The following MYH11 variants were observed in gnomAD, a reference collection of about 807,000 sequenced individuals.
MYH11 encodes the protein myosin-11.
Under a neutral mutation model 246.6 loss-of-function variants are expected in MYH11, and 80 were observed. The observed-to-expected ratio is 0.32, with a 90% CI of 0.27 to 0.39. The LOEUF (loss-of-function observed/expected upper bound fraction) is 0.39. Among genes scored for constraint, MYH11 ranks in the 10% least tolerant of loss-of-function variants. The probability of loss-of-function intolerance (pLI) is 1.00; values close to 1 mark genes in which losing one functional copy is unlikely to be tolerated. For missense variants in MYH11, 2,158 were observed against 2,546.8 expected (o/e 0.85, Z 3.29); for synonymous variants, 1,071 against 1,015.5 (o/e 1.05, Z -1.04).
chr16:15,751,253 C>T (rs1192568198), intron 15 of MYH11, among the ~76,000 whole-genome samples: 1 of 151,828 alleles, frequency 6.6e-6, no homozygotes, highest in African/African-American at 2.4e-5. Context: ...GTCCGCCTCC[C>T]GGGTTCCAGC....
chr16:15,725,527 CT>C (rs2040710696), intron 28 of MYH11: 1 of 417,624 alleles, frequency 2.4e-6, no homozygotes, highest in Non-Finnish European at 4.2e-6. Context: ...TATTCTCTGG[CT>C]TTTACTCCCT....
intron 2 of MYH11, among the ~76,000 whole-genome samples, chr16:15,831,576 T>G (rs2043741145): frequency 6.6e-6 from 1 of 152,030 alleles, no homozygotes; most frequent in Non-Finnish European, 1.5e-5. Context: ...TTTTTAAATA[T>G]TCTCCTGAGG....
chr16:15,813,444 G>A (rs1441563385), intron 3 of MYH11, among the ~76,000 whole-genome samples: 1 of 151,900 alleles, frequency 6.6e-6, no homozygotes, highest in African/African-American at 2.4e-5. Flanking sequence ...ATAGTTTCAG[G>A]GCTTAATTTT....
chr16:15,833,889 G>T (rs755514352), intron 2 of MYH11, among the ~76,000 whole-genome samples: 1 of 152,074 alleles, frequency 6.6e-6, no homozygotes, highest in East Asian at 1.9e-4. Context: ...CATGGACGAC[G>T]GTTTCTATTA....
intron 25 of MYH11, among the ~76,000 whole-genome samples, chr16:15,736,545 C>T (rs1050707061): frequency 6.6e-6 from 1 of 152,174 alleles, no homozygotes; most frequent in Non-Finnish European, 1.5e-5. Flanking sequence ...TCCCAAAGTG[C>T]TGAGATTACA....
At chr16:15,714,820 G>T in intron 40 of MYH11, 89 bp downstream of exon 40, 2 of 1,497,884 alleles carry the variant, frequency 1.3e-6, no homozygotes, top group Non-Finnish European at 1.8e-6. Context: ...GTGGGCACAA[G>T]GGGCATTTGC....
chr16:15,735,475 C>A lies in MYH11; in HGVS notation c.3397G>T (p.Ala1133Ser), dbSNP rs148731225. The A allele has an allele frequency of 5.0e-6, 8 of 1,614,132 alleles. No homozygotes were observed. The highest frequency in any genetic ancestry group is 2.7e-5 in the African/African-American group (2 of 75,026). ...LQEDLDSERA[A>S]RNKAEKQKRD... ...TTCTGCTTTTCAGCCTTGTTCCTGG[C>A]GGCCCGCTCTGAGTCCAGGTCCTCC... The change falls in exon 26 of 41, where the codon GCC becomes TCC. Residue 1133 changes from alanine (A) to serine (S), a missense_variant. Transcript: ENST00000300036.
At chr16:15,752,516 C>T (rs568567281) in intron 15 of MYH11, among the ~76,000 whole-genome samples, 22 of 152,252 alleles carry the variant, frequency 1.4e-4, no homozygotes, top group Admixed American at 7.8e-4. Context: ...TTCAGGCCCG[C>T]CCCATCCCTG....
chr16:15,773,575 C>G (rs770967898), intron 8 of MYH11, among the ~76,000 whole-genome samples: 3 of 152,074 alleles, frequency 2.0e-5, no homozygotes, highest in Non-Finnish European at 4.4e-5. Context: ...TGTGAGCCAC[C>G]GTGCCCAGCC....
intron 4 of MYH11, among the ~76,000 whole-genome samples, chr16:15,789,414 C>T (rs1056918756): frequency 5.3e-5 from 8 of 152,100 alleles, no homozygotes; most frequent in South Asian, 2.1e-4. Context: ...ATCACCCATC[C>T]GGGGAAACTG....
Position 15,714,865 on chromosome 16 carries a change from T to C in MYH11, c.5786+44A>G, listed in dbSNP as rs763823880. 9 of 1,610,628 alleles carry C rather than the reference T, an allele frequency of 5.6e-6. No homozygotes were observed. The East Asian group carries it at 1.8e-4, about 32-fold the overall frequency. ...GGAGCCCGAGCCCCCAGTGCTTTTC[T>C]CTGGCCTGAGAGACGGGGTCCTCCC... On this transcript the variant is annotated intron_variant, in intron 40 of 40. Coordinates refer to ENST00000300036, the MANE Select transcript of MYH11 (RefSeq NM_002474.3).
rs2040716083 is a variant in MYH11, at chr16:15,725,618, T to G, written c.3859-626A>C. ...ATTGACAAGGAGGATATGAATGATC[T>G]TGACACTGCTTATATGAGGGCGGCA... On this transcript the variant is annotated intron_variant, in intron 28 of 40. Coordinates refer to ENST00000300036, the MANE Select transcript of MYH11 (RefSeq NM_002474.3). 1.2e-5 allele frequency: 5 copies of G among 403,580 alleles called. No individual in the cohort carries two copies. The Admixed American group carries it at 1.7e-4, about 13-fold the overall frequency. The allele number at this position is 403,580 out of a possible 1,614,324, so 25.0% of individuals were successfully genotyped here.
intron 3 of MYH11, among the ~76,000 whole-genome samples, chr16:15,807,844 A>G (rs2043050779): frequency 6.6e-6 from 1 of 152,208 alleles, no homozygotes; most frequent in Non-Finnish European, 1.5e-5. Flanking sequence ...TGTGGGCCTG[A>G]GGACTCCCAG....
intron 2 of MYH11, among the ~76,000 whole-genome samples, chr16:15,837,354 T>C (rs1489224063): frequency 6.6e-6 from 1 of 152,132 alleles, no homozygotes; most frequent in Non-Finnish European, 1.5e-5. Flanking sequence ...TTGGCACATG[T>C]GATGACATGG....
chr16:15,781,908 C>G (rs1471917425), intron 6 of MYH11, among the ~76,000 whole-genome samples: 3 of 152,194 alleles, frequency 2.0e-5, no homozygotes, highest in East Asian at 3.8e-4. Context: ...TAATTGTACA[C>G]AGTAGGTACT....
chr16:15,833,389 A>AAGGAAGGAAGGGAGGAAGGG (rs772175540), intron 2 of MYH11, among the ~76,000 whole-genome samples: 2 of 113,358 alleles, frequency 1.8e-5, no homozygotes, highest in South Asian at 5.0e-4. Context: ...GGGAGGGAGG[A>AAGGAAGGAAGGGAGGAAGGG]AGGAAGGAAG....
intron 6 of MYH11, chr16:15,779,375 C>T (rs557857629): frequency 5.2e-6 from 1 of 194,000 alleles, no homozygotes; most frequent in African/African-American, 2.3e-5. Context: ...CTGCTGCACT[C>T]AAGCAATCCT....
chr16:15,856,617 ATT>A (rs3971712), intron 1 of MYH11, among the ~76,000 whole-genome samples: 38,835 of 147,660 alleles, frequency 0.26, 5,630 homozygotes, highest in East Asian at 0.6. Context: ...CTCGGGACTA[ATT>A]TTTTTTTTTT....
intron 3 of MYH11, among the ~76,000 whole-genome samples, chr16:15,811,377 G>A (rs951570427): frequency 3.3e-5 from 5 of 152,090 alleles, no homozygotes; most frequent in Admixed American, 6.5e-5. Flanking sequence ...TCTATACCAC[G>A]CTACCCAGGA....
Sources: allele counts gnomAD v4.1 joint callset (sites outside exome capture counted in the v4.1 genomes callset), GRCh38; gene constraint gnomAD v4.1.1; transcripts MANE v1.5; gene names NCBI Gene and HGNC (gene_info 2026-07-23, HGNC 2026-07-21).